Variants in FOXK1 observed in about 807,000 individuals in gnomAD.
FOXK1 encodes the protein forkhead box protein K1.
In FOXK1, 19 loss-of-function variants were observed where a neutral mutation model predicts 51.9. The ratio of observed to expected loss-of-function variants is 0.37; its 90% CI spans 0.26 to 0.54. The LOEUF is 0.54. Among genes scored for constraint, FOXK1 ranks in the 20% least tolerant of loss-of-function variants. The pLI is 0.87. For synonymous variants in FOXK1, 537 were observed against 482.6 expected, an observed-to-expected ratio of 1.11 and a Z score of -1.48; for missense variants, 870 against 1,032.7, an observed-to-expected ratio of 0.84 and a Z score of 2.16.
intron 1 of FOXK1, among the ~76,000 whole-genome samples, chr7:4,714,072 C>T (rs1307651473): frequency 6.6e-6 from 1 of 152,144 alleles, no homozygotes; most frequent in East Asian, 1.9e-4. Context: ...GTGATCCACC[C>T]ACCTCAGCTT....
intron 1 of FOXK1, among the ~76,000 whole-genome samples, chr7:4,692,656 C>T (rs368386235): frequency 3.3e-5 from 5 of 152,258 alleles, no homozygotes; most frequent in South Asian, 2.1e-4. Flanking sequence ...TCAGGTGATC[C>T]GCCTGCCTCA....
At chr7:4,718,227 T>C (rs7800555) in intron 1 of FOXK1, among the ~76,000 whole-genome samples, 12,037 of 152,246 alleles carry the variant, frequency 0.079, 1,474 homozygotes, top group African/African-American at 0.26. Flanking sequence ...CTGTGTGTGG[T>C]TCCGTCATCT....
rs1178551789 is a variant in FOXK1, at chr7:4,705,994, G to GTA, written c.560+23133_560+23134dup. Among the ~76,000 whole-genome samples, 178 of 88,966 alleles carry GTA rather than the reference G, an allele frequency of 2.0e-3. 5 individuals are homozygous for GTA. The highest frequency in any genetic ancestry group is 0.017 in the African/African-American group (137 of 8,060). 58.4% of individuals were successfully genotyped at this position (88,966 alleles called of 152,430 possible). On this transcript the variant is annotated intron_variant, in intron 1 of 8. Transcript: ENST00000328914. The stretch of plus-strand genomic sequence containing the variant: ...TATACGTATATATACGTATATATAC[G>GTA]TATATATACGTATATATACGTATAT...
At chr7:4,690,262 G>T (rs1471805993) in intron 1 of FOXK1, among the ~76,000 whole-genome samples, 1 of 152,262 alleles carries the variant, frequency 6.6e-6, no homozygotes, top group African/African-American at 2.4e-5. Flanking sequence ...CTGCTGCAGA[G>T]GTTGGAGGGG....
chr7:4,736,157 A>C (rs1780549819), intron 1 of FOXK1, among the ~76,000 whole-genome samples: 1 of 152,184 alleles, frequency 6.6e-6, no homozygotes, highest in Non-Finnish European at 1.5e-5. Context: ...TCAAAAAATA[A>C]ATAAAATCAA....
At chr7:4,741,090 G>C in intron 2 of FOXK1, 67 bp downstream of exon 2, 1 of 1,155,404 alleles carries the variant, frequency 8.7e-7, no homozygotes, top group South Asian at 1.8e-5. Context: ...CGTGCCTGTC[G>C]TACGCAGCAC....
In FOXK1 at chr7:4,745,153, A is replaced by C. The variant is rs562790180; in HGVS notation, c.746+4130A>C. 1.3e-4 allele frequency among the ~76,000 whole-genome samples: 20 copies of C among 152,352 alleles called. No homozygotes were observed. In the East Asian group the frequency reaches 3.9e-3, roughly 29 times the overall value. On this transcript the variant is annotated intron_variant, in intron 2 of 8. Transcript: ENST00000328914. This position sits in a 1 kb window ranked among gnomAD's most constrained non-coding sequence, Gnocchi z 4.3. ...GAGGTGGGAGCGGGGCCAGGCCAGA[A>C]GAGCTGGCTGCCTGCAAGGCTGTCC...
intron 1 of FOXK1, among the ~76,000 whole-genome samples, chr7:4,720,899 A>C (rs1251378186): frequency 6.6e-6 from 1 of 150,730 alleles, no homozygotes; most frequent in Non-Finnish European, 1.5e-5. Context: ...TTGTATTTTT[A>C]GTATAGACGG....
At position 4,755,429 on chromosome 7, in the gene FOXK1, A is replaced by G. The variant is rs201677078; in HGVS notation, c.1050+46A>G. ...CCGGATCGCCTCTGAAGGCCCTTAGAACATGGAACTCACAGGCATATTGCT... is the reference window on the plus strand; with the variant it reads ...CCGGATCGCCTCTGAAGGCCCTTAGGACATGGAACTCACAGGCATATTGCT... On this transcript the variant is annotated intron_variant, in intron 4 of 8. Transcript: ENST00000328914. This position sits in a 1 kb window ranked among gnomAD's most constrained non-coding sequence, Gnocchi z 6.6. 1.9e-6 allele frequency: 3 copies of G among 1,601,908 alleles called. No individual in the cohort carries two copies. The highest frequency in any genetic ancestry group is 2.2e-5 in the East Asian group (1 of 44,670).
At chr7:4,714,711 C>T (rs183242417) in intron 1 of FOXK1, among the ~76,000 whole-genome samples, 20 of 152,240 alleles carry the variant, frequency 1.3e-4, no homozygotes, top group Middle Eastern at 3.4e-3. Flanking sequence ...TCTAAGTAGG[C>T]GTTACATTCC....
intron 1 of FOXK1, among the ~76,000 whole-genome samples, chr7:4,724,457 A>C (rs531243314): frequency 6.6e-6 from 1 of 152,162 alleles, no homozygotes; most frequent in South Asian, 2.1e-4. Flanking sequence ...TGGCCTCCCA[A>C]AGTGCTGGGA....
At chr7:4,732,850 C>T (rs1312816562) in intron 1 of FOXK1, among the ~76,000 whole-genome samples, 1 of 152,228 alleles carries the variant, frequency 6.6e-6, no homozygotes, top group African/African-American at 2.4e-5. Flanking sequence ...ACGCCCCTTA[C>T]ACGTGTGCCT....
In FOXK1 at chr7:4,771,390, C is replaced by T. The variant is rs1356790140; in HGVS notation, c.*8926C>T. ...TGTGGATGGGGAAGTTTTGTTTCTCCTCTTAGCATTTGTTTCTATAACCAG... is the reference window on the plus strand; with the variant it reads ...TGTGGATGGGGAAGTTTTGTTTCTCTTCTTAGCATTTGTTTCTATAACCAG... On this transcript the variant is annotated 3_prime_UTR_variant, in exon 9 of 9. Transcript: ENST00000328914. 2 of 152,338 alleles carry T rather than the reference C, an allele frequency of 1.3e-5. No individual in the cohort carries two copies. Among genetic ancestry groups the T allele is most frequent in the East Asian group, 3.8e-4 (2 of 5,198 alleles). The allele number at this position is 152,338 out of a possible 1,614,324, so 9.4% of individuals were successfully genotyped here.
rs768925063 is a variant in FOXK1 at position 4,762,461 on chromosome 7, G to T, written c.2199G>T (p.Glu733Asp). 5 of 1,541,412 alleles carry T rather than the reference G, an allele frequency of 3.2e-6. No individual in the cohort carries two copies. The Admixed American group carries it at 7.9e-5, about 24-fold the overall frequency. ...AAGPQGPGTG[E>D] is the part of the protein sequence containing the mutation. ...GCCCCCAGGGGCCAGGCACCGGGGA[G>T]TGAGGTCACCTGCAACGCGGGGGAG... Residue 733 changes from glutamate (E) to aspartate (D), a missense_variant, in exon 9 of 9, where the codon GAG becomes GAT. By Grantham distance (45) the Glu-to-Asp change is conservative. Coordinates refer to ENST00000328914, the MANE Select transcript of FOXK1 (RefSeq NM_001037165.2). The surrounding 1 kb of genome is among the most constrained non-coding windows in gnomAD (Gnocchi z 5.7).
rs1470903378 is a variant in FOXK1, at chr7:4,749,368, G to A, written c.747-5091G>A. ...CACAGATGTGCCTTGGCCGGCTGTT[G>A]TGTTTAACAGTGAGGTCCTAAAAAC... On this transcript the variant is annotated intron_variant, in intron 2 of 8. Coordinates refer to ENST00000328914, the MANE Select transcript of FOXK1 (RefSeq NM_001037165.2). The surrounding 1 kb of genome is among the most constrained non-coding windows in gnomAD (Gnocchi z 6.0). Among the ~76,000 whole-genome samples, 1 of 152,186 alleles carries A rather than the reference G, an allele frequency of 6.6e-6. No homozygotes were observed. Among genetic ancestry groups the A allele is most frequent in the South Asian group, 2.1e-4 (1 of 4,836 alleles).
In FOXK1 at chr7:4,715,191, A is replaced by G. The variant is rs1780219221; in HGVS notation, c.561-25647A>G. ...CTGTGACGATACGGGGCACGGTGGAACTGTGGCGATACGGGGCACGGTGGA... is the reference window on the plus strand; with the variant it reads ...CTGTGACGATACGGGGCACGGTGGAGCTGTGGCGATACGGGGCACGGTGGA... On this transcript the variant is annotated intron_variant, in intron 1 of 8. Coordinates refer to ENST00000328914, the MANE Select transcript of FOXK1 (RefSeq NM_001037165.2). This position sits in a 1 kb window ranked among gnomAD's most constrained non-coding sequence, Gnocchi z 4.5. Among the ~76,000 whole-genome samples the G allele has an allele frequency of 6.6e-6, 1 of 151,912 alleles. No individual in the cohort carries two copies. Among genetic ancestry groups the G allele is most frequent in the Non-Finnish European group, 1.5e-5 (1 of 67,970 alleles).
At position 4,683,645 on chromosome 7, in the gene FOXK1, G is replaced by A. The variant is rs1779781899; in HGVS notation, c.560+777G>A. On this transcript the variant is annotated intron_variant, in intron 1 of 8. Transcript: ENST00000328914. The surrounding 1 kb of genome is among the most constrained non-coding windows in gnomAD (Gnocchi z 4.5). ...TGACCTGGTTCTCAGGACCACCCCC[G>A]ACCCCCACCAGCCAGGGCCTCAAGT... Among the ~76,000 whole-genome samples the A allele has an allele frequency of 6.6e-6, 1 of 151,632 alleles. No homozygotes were observed. Among genetic ancestry groups the A allele is most frequent in the Non-Finnish European group, 1.5e-5 (1 of 67,880 alleles).
intron 7 of FOXK1, among the ~76,000 whole-genome samples, chr7:4,760,199 G>T (rs1228573440): frequency 1.3e-5 from 2 of 152,184 alleles, no homozygotes; most frequent in Admixed American, 6.5e-5. Context: ...AATGAGCCTG[G>T]GAAGACTGTT....
rs1277316148 is a variant in FOXK1, at chr7:4,762,436, GC to G, written c.2179del (p.Gln727ArgfsTer81). On this transcript the variant is annotated frameshift_variant, in exon 9 of 9. Transcript: ENST00000328914. LOFTEE classifies it high-confidence loss of function. This position sits in a 1 kb window ranked among gnomAD's most constrained non-coding sequence, Gnocchi z 5.7. Reference sequence around the variant, plus strand: ...CCGGCTGGAGTGATCGCAGCTGCCGGCCCCCAGGGGCCAGGCACCGGGGAGT... The same window carrying G: ...CCGGCTGGAGTGATCGCAGCTGCCGGCCCCAGGGGCCAGGCACCGGGGAGT... ...TTPAGVIAAAGPQGPGTGE is the reference protein window; with the variant it reads ...TTPAGVIAAAXPQGPGTGE The G allele has an allele frequency of 6.5e-7, 1 of 1,546,184 alleles. No homozygotes were observed. The highest frequency in any genetic ancestry group is 8.7e-7 in the Non-Finnish European group (1 of 1,144,784).
Sources: allele counts gnomAD v4.1 joint callset (sites outside exome capture counted in the v4.1 genomes callset), GRCh38; gene constraint gnomAD v4.1.1; non-coding constraint Gnocchi (gnomAD v3.1); transcripts MANE v1.5; gene names NCBI Gene and HGNC (gene_info 2026-07-23, HGNC 2026-07-21).